The following SORCS2 variants were observed in gnomAD, a reference collection of about 807,000 sequenced individuals.
SORCS2 encodes the protein sortilin related VPS10 domain containing receptor 2.
In SORCS2, 100 loss-of-function variants were observed where a neutral mutation model predicts 141.6. That is an observed-to-expected ratio of 0.71 (90% CI 0.60 to 0.83). The LOEUF (loss-of-function observed/expected upper bound fraction) is 0.83, where lower values mean the gene tolerates loss of function less well. Among genes scored for constraint, SORCS2 ranks in the 40% least tolerant of loss-of-function variants. The pLI is 0.00. For missense variants in SORCS2, 1,646 were observed against 1,560.2 expected, an observed-to-expected ratio of 1.05 and a Z score of -0.93; for synonymous variants, 789 against 676.9, an observed-to-expected ratio of 1.17 and a Z score of -2.57.
At chr4:7,330,382 G>C (rs1299143871) in intron 1 of SORCS2, among the ~76,000 whole-genome samples, 2 of 152,010 alleles carry the variant, frequency 1.3e-5, no homozygotes, top group African/African-American at 4.8e-5. Context: ...TTTCAGGTCA[G>C]GGCAGCTGTG....
At chr4:7,343,202 G>C (rs1720462864) in intron 1 of SORCS2, among the ~76,000 whole-genome samples, 1 of 152,232 alleles carries the variant, frequency 6.6e-6, no homozygotes, top group African/African-American at 2.4e-5. Context: ...CGTGAGGTGG[G>C]CTGGTTGGCA....
At chr4:7,214,901 G>C (rs1258056031) in intron 1 of SORCS2, among the ~76,000 whole-genome samples, 1 of 152,154 alleles carries the variant, frequency 6.6e-6, no homozygotes, top group Non-Finnish European at 1.5e-5. Flanking sequence ...GTGGGGTTGT[G>C]GGTGTGGTGC....
Position 7,740,273 on chromosome 4 carries a change from C to T in SORCS2, c.*9C>T, listed in dbSNP as rs899514448. ...GCTACCTGGTGAGCTGATGCCACCC[C>T]AGCATCTGTCTTTTCACCCACGGAG... On this transcript the variant is annotated 3_prime_UTR_variant, in exon 27 of 27. Coordinates refer to ENST00000507866, the MANE Select transcript of SORCS2 (RefSeq NM_020777.3). 6.2e-7 allele frequency: 1 copy of T among 1,607,988 alleles called. No homozygotes were observed.
At chr4:7,509,989 T>G (rs995936750) in intron 2 of SORCS2, among the ~76,000 whole-genome samples, 1 of 152,264 alleles carries the variant, frequency 6.6e-6, no homozygotes, top group Non-Finnish European at 1.5e-5. Context: ...AATCCCACTC[T>G]GTCTTCTCTC....
chr4:7,244,347 A>G (rs1577316051), intron 1 of SORCS2, among the ~76,000 whole-genome samples: 1 of 152,198 alleles, frequency 6.6e-6, no homozygotes, highest in Non-Finnish European at 1.5e-5. Context: ...ATTCATGGGT[A>G]AGGGCTTTCA....
Position 7,381,835 on chromosome 4 carries a change from G to A in SORCS2, c.481-14453G>A, listed in dbSNP as rs1005721194. On this transcript the variant is annotated intron_variant, in intron 1 of 26. Coordinates refer to ENST00000507866, the MANE Select transcript of SORCS2 (RefSeq NM_020777.3). Reference sequence around the variant, plus strand: ...AGGCCACCATGTGCCAGGAGCCAGGGCCAGAGAGCCTTAGGCTCCAGGATG... The same window carrying A: ...AGGCCACCATGTGCCAGGAGCCAGGACCAGAGAGCCTTAGGCTCCAGGATG... 5 of 913,824 alleles carry A rather than the reference G, an allele frequency of 5.5e-6. No homozygotes were observed. In the South Asian group the frequency reaches 2.5e-4, roughly 46 times the overall value. 56.6% of individuals were successfully genotyped at this position (913,824 alleles called of 1,614,324 possible). A position where few individuals can be genotyped will look rare whatever the true frequency, so the allele number is the denominator to read the frequency against.
At chr4:7,695,882 GGA>G (rs1724661332) in intron 11 of SORCS2, among the ~76,000 whole-genome samples, 1 of 79,104 alleles carries the variant, frequency 1.3e-5, no homozygotes, top group Non-Finnish European at 2.8e-5. Flanking sequence ...GTGGGTGGAT[GGA>G]TGGATGGATG....
chr4:7,250,912 G>A (rs1713464407), intron 1 of SORCS2, among the ~76,000 whole-genome samples: 1 of 152,276 alleles, frequency 6.6e-6, no homozygotes, highest in African/African-American at 2.4e-5. Context: ...ACCAGGGCAG[G>A]CTGGCCAGTG....
At chr4:7,303,908 T>G (rs4025901) in intron 1 of SORCS2, among the ~76,000 whole-genome samples, 84,208 of 152,242 alleles carry the variant, frequency 0.55, 23,864 homozygotes, top group South Asian at 0.66. Context: ...GGCAGGGGCC[T>G]GAGGGGCCAA....
Position 7,714,242 on chromosome 4 carries a change from C to A in SORCS2, c.1992C>A (p.Gly664=). ...TTACCCTGATGTTCCTGCTGCAGGG[C>A]GACCGCTGTATCATGGGCCAGCAGA... The part of the protein sequence containing the change: ...YSSWELSNLQ[G]DRCIMGQQRS... The change falls in exon 16 of 27, where the codon GGC becomes GGA. Residue 664 remains glycine, a splice_region_variant and synonymous_variant. Coordinates refer to ENST00000507866, the MANE Select transcript of SORCS2 (RefSeq NM_020777.3). 6.2e-7 allele frequency: 1 copy of A among 1,610,038 alleles called. No homozygotes were observed. Among genetic ancestry groups the A allele is most frequent in the East Asian group, 2.2e-5 (1 of 44,774 alleles).
chr4:7,654,163 G>A lies in SORCS2; in HGVS notation c.843G>A (p.Lys281=). The A allele has an allele frequency of 6.3e-7, 1 of 1,583,760 alleles. No individual in the cohort carries two copies. Among genetic ancestry groups the A allele is most frequent in the Non-Finnish European group, 8.6e-7 (1 of 1,163,534 alleles). The change falls in exon 5 of 27, where the codon AAG becomes AAA. Residue 281 remains lysine, a synonymous_variant. Coordinates refer to ENST00000507866, the MANE Select transcript of SORCS2 (RefSeq NM_020777.3). ...ACGTGTCATCTGACTTGGGGAAAAA[G>A]TGGACACTTCTGCAAGAGCGAGTGA... ...KLYVSSDLGK[K]WTLLQERVTK...
At chr4:7,532,141 G>C (rs908815186) in intron 3 of SORCS2, among the ~76,000 whole-genome samples, 1 of 152,086 alleles carries the variant, frequency 6.6e-6, no homozygotes, top group Admixed American at 6.5e-5. Context: ...GGGTCTTTCC[G>C]AGGCTACCCA....
chr4:7,674,021 G>A (rs1722949402), intron 8 of SORCS2, among the ~76,000 whole-genome samples: 1 of 152,200 alleles, frequency 6.6e-6, no homozygotes, highest in Non-Finnish European at 1.5e-5. Flanking sequence ...GGAGGAAGGG[G>A]GAGCTGAGGT....
At chr4:7,547,097 C>G (rs11723455) in intron 3 of SORCS2, among the ~76,000 whole-genome samples, 114,840 of 152,128 alleles carry the variant, frequency 0.75, 44,343 homozygotes, top group East Asian at 0.89. Flanking sequence ...TCCCCAGGCT[C>G]TTACAACTGG....
Position 7,703,355 on chromosome 4 carries a change from C to G in SORCS2, c.1744C>G (p.Pro582Ala). The G allele has an allele frequency of 6.2e-7, 1 of 1,613,194 alleles. No individual in the cohort carries two copies. The highest frequency in any genetic ancestry group is 8.5e-7 in the Non-Finnish European group (1 of 1,179,582). Residue 582 changes from proline (P) to alanine (A), a missense_variant, in exon 13 of 27, where the codon CCT becomes GCT. By Grantham distance (27) the Pro-to-Ala change is conservative. Coordinates refer to ENST00000507866, the MANE Select transcript of SORCS2 (RefSeq NM_020777.3). ...CGTGGCCATCAAAGACACCTCCATCCCTTTGAAGATCCTCAAGTAATGGCG... is the reference window on the plus strand; with the variant it reads ...CGTGGCCATCAAAGACACCTCCATCGCTTTGAAGATCCTCAAGTAATGGCG... ...VIVAIKDTSI[P>A]LKILKFSVDE...
chr4:7,625,903 C>T (rs956894487), intron 3 of SORCS2, among the ~76,000 whole-genome samples: 1 of 151,926 alleles, frequency 6.6e-6, no homozygotes, highest in African/African-American at 2.4e-5. Context: ...CTGTGTAAGG[C>T]CAAGGCAGGC....
chr4:7,261,711 G>C (rs544577972), intron 1 of SORCS2, among the ~76,000 whole-genome samples: 37 of 152,350 alleles, frequency 2.4e-4, no homozygotes, highest in African/African-American at 8.4e-4. Flanking sequence ...TGAGGCACTG[G>C]ATTGAGTACT....
At chr4:7,592,190 G>A (rs555635395) in intron 3 of SORCS2, among the ~76,000 whole-genome samples, 22 of 152,196 alleles carry the variant, frequency 1.4e-4, no homozygotes, top group Admixed American at 4.6e-4. Flanking sequence ...GCCTTGCCTG[G>A]TCATTATTTT....
intron 2 of SORCS2, among the ~76,000 whole-genome samples, chr4:7,520,421 C>T (rs1207952482): frequency 1.3e-5 from 2 of 152,192 alleles, no homozygotes; most frequent in African/African-American, 4.8e-5. Context: ...CTATTTCCAT[C>T]CCTAAGGTGT....
Sources: gnomAD v4.1 joint callset for allele counts (sites outside exome capture counted in the v4.1 genomes callset) on GRCh38, gnomAD v4.1.1 for gene constraint, MANE v1.5 for transcripts, NCBI Gene and HGNC (gene_info 2026-07-23, HGNC 2026-07-21) for gene names.